The following DDX43 variants were observed in gnomAD, a reference collection of about 807,000 sequenced individuals.
DDX43 encodes the protein DEAD-box helicase 43.
In DDX43, 50 loss-of-function variants were observed where a neutral mutation model predicts 84.9. The ratio of observed to expected loss-of-function variants is 0.59; its 90% CI spans 0.47 to 0.75. DDX43 has a LOEUF of 0.75. Ranked by LOEUF, DDX43 falls within the 30% of genes least tolerant of loss-of-function variation. The pLI, the probability that DDX43 is intolerant of heterozygous loss-of-function variation, is 0.00. For synonymous variants in DDX43, 291 were observed against 266.3 expected (o/e 1.09, Z -0.90); for missense variants, 689 against 798.6 (o/e 0.86, Z 1.65).
chr6:73,416,200 C>T lies in DDX43; in HGVS notation c.1921C>T (p.Gln641Ter), dbSNP rs1366952611. 1.3e-6 allele frequency: 2 copies of T among 1,593,214 alleles called. No homozygotes were observed. Among genetic ancestry groups the T allele is most frequent in the Non-Finnish European group, 1.7e-6 (2 of 1,161,150 alleles). The change falls in exon 16 of 17, where the codon CAA becomes TAA. Residue 641 changes from glutamine to a stop codon, truncating the protein, a stop_gained. Transcript: ENST00000370336. LOFTEE classifies it high-confidence loss of function. ...REMERKMERP[Q>*]GRPKKFH ...AATGGAAAGAAAAATGGAAAGACCT[C>T]AAGGAAGGCCCAAGAAGTTTCATTA...
intron 4 of DDX43, among the ~76,000 whole-genome samples, chr6:73,403,477 A>AAAAAG (rs544132353): frequency 1.1e-4 from 15 of 142,826 alleles, no homozygotes; most frequent in Non-Finnish European, 1.8e-4. Context: ...CTCAAAAAGA[A>AAAAAG]AAAAGAAAAG....
chr6:73,410,230 G>A (rs557241015), intron 10 of DDX43, among the ~76,000 whole-genome samples: 4 of 152,248 alleles, frequency 2.6e-5, no homozygotes, highest in South Asian at 2.1e-4. Context: ...GCAGCAGCGC[G>A]ATCTCGGCTA....
rs1265984716 is a variant in DDX43 at position 73,405,686 on chromosome 6, A to C, written c.658A>C (p.Asn220His). The stretch of plus-strand genomic sequence containing the variant: ...GTTTTTTATTCTTTGAAGGAAAGAA[A>C]ATTTTAATATAACGTGGGATGACTT... ...KVEADSWRKE[N>H]FNITWDDLKD... The change falls in exon 6 of 17, where the codon AAT (asparagine) becomes CAT (histidine). Residue 220 changes from asparagine (N) to histidine (H), a missense_variant. Asn to His is a moderately conservative substitution (Grantham distance 68). This residue lies in a region of DDX43 where 552 missense variants were observed against 692.7 expected (regional missense o/e 0.80). Coordinates refer to ENST00000370336, the MANE Select transcript of DDX43 (RefSeq NM_018665.3). The C allele has an allele frequency of 1.2e-6, 2 of 1,611,746 alleles. No homozygotes were observed. Among genetic ancestry groups the C allele is most frequent in the African/African-American group, 2.7e-5 (2 of 74,712 alleles).
At chr6:73,413,533 C>T (rs769277091) in intron 11 of DDX43, 125 bp from the exon 12 acceptor site, 216 of 898,544 alleles carry the variant, frequency 2.4e-4, no homozygotes, top group Middle Eastern at 1.4e-3. Context: ...GGACGTCTGC[C>T]ATTTTGCTTA....
At chr6:73,415,036 G>A (rs1294428276) in intron 14 of DDX43, among the ~76,000 whole-genome samples, 2 of 152,100 alleles carry the variant, frequency 1.3e-5, no homozygotes, top group Admixed American at 1.3e-4. Flanking sequence ...GGTGGCTTAC[G>A]TCTGTAATCC....
In DDX43 at chr6:73,400,266, A is replaced by G. The variant is rs773285227; in HGVS notation, c.339A>G (p.Lys113=). 6.2e-7 allele frequency: 1 copy of G among 1,605,464 alleles called. No homozygotes were observed. Among genetic ancestry groups the G allele is most frequent in the East Asian group, 2.3e-5 (1 of 44,266 alleles). Residue 113 remains lysine (K), a synonymous_variant, in exon 3 of 17, where the codon AAA becomes AAG. Coordinates refer to ENST00000370336, the MANE Select transcript of DDX43 (RefSeq NM_018665.3). ...AAGAACAACCAGAATCATTAGTCAAAATTTTTGGCAGCAAGGCAATGCAAA... is the reference window on the plus strand; with the variant it reads ...AAGAACAACCAGAATCATTAGTCAAGATTTTTGGCAGCAAGGCAATGCAAA... ...IIQEQPESLV[K]IFGSKAMQTK...
At chr6:73,398,494 C>G (rs180764592) in intron 2 of DDX43, among the ~76,000 whole-genome samples, 1 of 152,132 alleles carries the variant, frequency 6.6e-6, no homozygotes, top group Non-Finnish European at 1.5e-5. Context: ...TCGGGTGATC[C>G]GCCCACCTCT....
At chr6:73,398,968 C>T (rs770976443) in intron 2 of DDX43, among the ~76,000 whole-genome samples, 5 of 152,032 alleles carry the variant, frequency 3.3e-5, no homozygotes, top group African/African-American at 4.8e-5. Context: ...TTTTTTGAGA[C>T]GGAGTCTTGC....
chr6:73,395,457 T>TA (rs1044501738), intron 1 of DDX43, among the ~76,000 whole-genome samples: 5 of 151,060 alleles, frequency 3.3e-5, no homozygotes, highest in Admixed American at 6.6e-5. Flanking sequence ...ATATATATAT[T>TA]AAAAAAAATA....
chr6:73,395,297 C>T (rs1769443521), intron 1 of DDX43, 142 bp downstream of exon 1: 7 of 1,105,648 alleles, frequency 6.3e-6, no homozygotes, highest in South Asian at 1.6e-5. Context: ...ATTTGTAAAA[C>T]CTGGGGATAG....
Position 73,415,391 on chromosome 6 carries a change from G to A in DDX43, c.1746-106G>A, listed in dbSNP as rs1168449056. 4.5e-6 allele frequency: 3 copies of A among 663,326 alleles called. No homozygotes were observed. The East Asian group carries it at 8.7e-5, about 19-fold the overall frequency. The allele number at this position is 663,326 out of a possible 1,614,324, so 41.1% of individuals were successfully genotyped here. ...GCAGATTTAGATTCCAAATCTGTTTGACCCTAAATCTTAATACATTCCAGC... is the reference window on the plus strand; with the variant it reads ...GCAGATTTAGATTCCAAATCTGTTTAACCCTAAATCTTAATACATTCCAGC... On this transcript the variant is annotated intron_variant, in intron 14 of 16. Coordinates refer to ENST00000370336, the MANE Select transcript of DDX43 (RefSeq NM_018665.3).
At chr6:73,400,829 C>T (rs1769552748) in intron 3 of DDX43, among the ~76,000 whole-genome samples, 1 of 152,050 alleles carries the variant, frequency 6.6e-6, no homozygotes, top group Admixed American at 6.6e-5. Flanking sequence ...AAAACAATTA[C>T]TGAATCATAT....
chr6:73,398,322 G>A (rs1170166386), intron 2 of DDX43, among the ~76,000 whole-genome samples: 1 of 151,552 alleles, frequency 6.6e-6, no homozygotes, highest in East Asian at 2.0e-4. Context: ...CACGATCTTG[G>A]GTCACTGCAA....
At chr6:73,400,455 A>G in intron 3 of DDX43, 92 bp downstream of exon 3, 1 of 1,206,916 alleles carries the variant, frequency 8.3e-7, no homozygotes, top group East Asian at 2.7e-5. Flanking sequence ...TTCTGATTCA[A>G]AGCATTAGGC....
intron 14 of DDX43, among the ~76,000 whole-genome samples, chr6:73,415,099 C>T (rs1769876258): frequency 2.0e-5 from 3 of 152,036 alleles, no homozygotes; most frequent in African/African-American, 7.2e-5. Flanking sequence ...AGATTGAGAC[C>T]ATCGTGGCTA....
chr6:73,407,199 C>T (rs923414125), intron 7 of DDX43, among the ~76,000 whole-genome samples: 7 of 152,206 alleles, frequency 4.6e-5, no homozygotes, highest in African/African-American at 1.7e-4. Context: ...CTTACTGCAA[C>T]CTCCGCCTCC....
intron 14 of DDX43, among the ~76,000 whole-genome samples, chr6:73,415,159 G>C (rs1178723451): frequency 3.3e-5 from 5 of 152,050 alleles, no homozygotes; most frequent in Non-Finnish European, 7.4e-5. Flanking sequence ...TGACCTGGGC[G>C]TGGTGGCGGG....
intron 11 of DDX43, among the ~76,000 whole-genome samples, chr6:73,412,674 CGCGCGTGTGTGTGTGTGCGCGTGCGT>C (rs1562286170): frequency 6.6e-4 from 36 of 54,372 alleles, no homozygotes; most frequent in African/African-American, 1.9e-3. Context: ...TGTGTGCGCG[CGCGCGTGTGTGTGTGTGCGCGTGCGT>C]GCGCACGCAT....
chr6:73,409,506 A>G (rs905474372), intron 10 of DDX43, among the ~76,000 whole-genome samples, 158 bp downstream of exon 10: 1 of 152,240 alleles, frequency 6.6e-6, no homozygotes, highest in Admixed American at 6.5e-5. Flanking sequence ...TGTAACAATA[A>G]GTGCTTATTC....
Sources: gnomAD v4.1 joint callset for allele counts (sites outside exome capture counted in the v4.1 genomes callset) on GRCh38, gnomAD v4.1.1 for gene constraint, gnomAD v4.1.1 regional missense constraint, MANE v1.5 for transcripts, NCBI Gene and HGNC (gene_info 2026-07-23, HGNC 2026-07-21) for gene names.